Variants in SH3GL2 observed in about 807,000 individuals in gnomAD.
SH3GL2 encodes endophilin-A1.
SH3GL2 carries 24 observed loss-of-function variants against 46.0 expected under a neutral mutation model. That is an observed-to-expected ratio of 0.52 (90% CI 0.38 to 0.73). The LOEUF (loss-of-function observed/expected upper bound fraction) is 0.73. Among genes scored for constraint, SH3GL2 ranks in the 30% least tolerant of loss-of-function variants. SH3GL2 has a pLI of 0.00. For missense variants in SH3GL2, 413 were observed against 424.2 expected, an observed-to-expected ratio of 0.97 and a Z score of 0.23; for synonymous variants, 196 against 147.1, an observed-to-expected ratio of 1.33 and a Z score of -2.40.
Position 17,789,373 on chromosome 9 carries a change from C to T in SH3GL2, c.466-19C>T. 1 of 1,610,594 alleles carries T rather than the reference C, an allele frequency of 6.2e-7. No homozygotes were observed. Among genetic ancestry groups the T allele is most frequent in the Non-Finnish European group, 8.5e-7 (1 of 1,177,412 alleles). On this transcript the variant is annotated intron_variant, in intron 5 of 8. Coordinates refer to ENST00000380607, the MANE Select transcript of SH3GL2 (RefSeq NM_003026.5). ...CCATAAGCCCTTTCAAAGCCTATTC[C>T]TGCCCTTGACTTTTGCAGCATCATC...
At chr9:17,744,084 T>C (rs1035723627) in intron 1 of SH3GL2, among the ~76,000 whole-genome samples, 8 of 152,116 alleles carry the variant, frequency 5.3e-5, no homozygotes, top group Non-Finnish European at 8.8e-5. Flanking sequence ...AACAATTGAT[T>C]TGGGGTTTTG....
chr9:17,753,257 G>A (rs1483297805), intron 2 of SH3GL2, among the ~76,000 whole-genome samples: 4 of 152,122 alleles, frequency 2.6e-5, no homozygotes, highest in African/African-American at 9.7e-5. Context: ...TGGTATTTCT[G>A]TCTTTAGGAT....
At chr9:17,687,911 T>C (rs1344266125) in intron 1 of SH3GL2, among the ~76,000 whole-genome samples, 1 of 152,128 alleles carries the variant, frequency 6.6e-6, no homozygotes, top group African/African-American at 2.4e-5. Flanking sequence ...TACAGCCAGT[T>C]CTGTTATGTA....
At chr9:17,790,131 C>T (rs1468121897) in intron 6 of SH3GL2, among the ~76,000 whole-genome samples, 1 of 152,118 alleles carries the variant, frequency 6.6e-6, no homozygotes, top group African/African-American at 2.4e-5. Flanking sequence ...AAGACAGGAG[C>T]GTATGGGTGT....
chr9:17,687,676 AT>A (rs976899411), intron 1 of SH3GL2, among the ~76,000 whole-genome samples: 2 of 152,038 alleles, frequency 1.3e-5, no homozygotes, highest in African/African-American at 4.8e-5. Context: ...AAATAATGGT[AT>A]TTCTTTGTCC....
chr9:17,684,963 C>T (rs759998136), intron 1 of SH3GL2, among the ~76,000 whole-genome samples: 16 of 152,104 alleles, frequency 1.1e-4, no homozygotes, highest in Non-Finnish European at 2.1e-4. Flanking sequence ...CTGACAACTG[C>T]GATAAATAAG....
intron 1 of SH3GL2, among the ~76,000 whole-genome samples, chr9:17,639,743 C>T (rs749120580): frequency 2.0e-4 from 30 of 152,014 alleles, no homozygotes; most frequent in African/African-American, 4.3e-4. Context: ...AAAAACTGGA[C>T]GCAACCTAAT....
chr9:17,657,936 TAA>T (rs1563800822), intron 1 of SH3GL2, among the ~76,000 whole-genome samples: 1 of 152,164 alleles, frequency 6.6e-6, no homozygotes. Flanking sequence ...CCCTGGACAT[TAA>T]GATTCCATGT....
intron 1 of SH3GL2, among the ~76,000 whole-genome samples, chr9:17,700,337 G>A (rs937109906): frequency 3.3e-5 from 5 of 152,074 alleles, no homozygotes; most frequent in Non-Finnish European, 4.4e-5. Context: ...GTGTTTTGTC[G>A]TGTATGTAGG....
At chr9:17,650,502 G>C (rs1365306594) in intron 1 of SH3GL2, among the ~76,000 whole-genome samples, 1 of 152,100 alleles carries the variant, frequency 6.6e-6, no homozygotes, top group Non-Finnish European at 1.5e-5. Context: ...CTCTTGAGTA[G>C]CTGGGATTAC....
chr9:17,593,060 G>C (rs1788031495), intron 1 of SH3GL2, among the ~76,000 whole-genome samples: 1 of 152,204 alleles, frequency 6.6e-6, no homozygotes, highest in African/African-American at 2.4e-5. Flanking sequence ...GATGTGCCTG[G>C]AGAGGGTATG....
At chr9:17,587,187 G>A (rs1818394578) in intron 1 of SH3GL2, among the ~76,000 whole-genome samples, 1 of 152,150 alleles carries the variant, frequency 6.6e-6, no homozygotes, top group Non-Finnish European at 1.5e-5. Flanking sequence ...GGGCGACAGA[G>A]CGAGACTGTC....
At chr9:17,671,865 G>T (rs1166863364) in intron 1 of SH3GL2, among the ~76,000 whole-genome samples, 2 of 152,156 alleles carry the variant, frequency 1.3e-5, no homozygotes, top group Non-Finnish European at 2.9e-5. Context: ...CTTGAGATAA[G>T]GACTTTGGTT....
intron 1 of SH3GL2, among the ~76,000 whole-genome samples, chr9:17,619,592 C>G (rs1033491579): frequency 1.3e-5 from 2 of 151,906 alleles, no homozygotes; most frequent in African/African-American, 2.4e-5. Context: ...GCAGGAGATT[C>G]GTTTGAACCC....
intron 1 of SH3GL2, among the ~76,000 whole-genome samples, chr9:17,620,273 T>A (rs1482202755): frequency 2.0e-5 from 3 of 152,162 alleles, no homozygotes; most frequent in Admixed American, 2.0e-4. Flanking sequence ...AGTAAACATT[T>A]ATGGAGGATC....
At chr9:17,648,729 A>G (rs17451095) in intron 1 of SH3GL2, among the ~76,000 whole-genome samples, 12,701 of 152,254 alleles carry the variant, frequency 0.083, 763 homozygotes, top group Non-Finnish European at 0.13. Flanking sequence ...GTGTTGGCAG[A>G]TCTCACATAA....
At chr9:17,664,222 A>G (rs1047962602) in intron 1 of SH3GL2, among the ~76,000 whole-genome samples, 1 of 152,202 alleles carries the variant, frequency 6.6e-6, no homozygotes, top group Non-Finnish European at 1.5e-5. Context: ...TGTTTTTCTA[A>G]TTTCATTTGG....
intron 1 of SH3GL2, among the ~76,000 whole-genome samples, chr9:17,678,736 G>A (rs1167871546): frequency 1.3e-5 from 2 of 152,106 alleles, no homozygotes; most frequent in African/African-American, 4.8e-5. Context: ...TAAAGCCTGG[G>A]TTTTCTTCTA....
intron 1 of SH3GL2, among the ~76,000 whole-genome samples, chr9:17,669,911 G>C (rs1363652628): frequency 1.3e-5 from 2 of 152,144 alleles, no homozygotes; most frequent in Non-Finnish European, 2.9e-5. Context: ...AAAAAGAACA[G>C]CTCTCTGCTG....
Sources: allele counts gnomAD v4.1 joint callset (sites outside exome capture counted in the v4.1 genomes callset), GRCh38; gene constraint gnomAD v4.1.1; transcripts MANE v1.5; gene names NCBI Gene and HGNC (gene_info 2026-07-23, HGNC 2026-07-21).